The following ARHGEF7 variants were observed in gnomAD, a reference collection of about 807,000 sequenced individuals.
ARHGEF7 encodes the protein PAK-interacting exchange factor beta.
Under a neutral mutation model 109.8 loss-of-function variants are expected in ARHGEF7, and 33 were observed. The ratio of observed to expected loss-of-function variants is 0.30; its 90% CI spans 0.23 to 0.40. The LOEUF (loss-of-function observed/expected upper bound fraction) is 0.40, where lower values mean the gene tolerates loss of function less well. Ranked by LOEUF, ARHGEF7 falls within the 10% of genes least tolerant of loss-of-function variation. The probability of loss-of-function intolerance (pLI) is 1.00; values close to 1 mark genes in which losing one functional copy is unlikely to be tolerated. For synonymous variants in ARHGEF7, 458 were observed against 424.6 expected (o/e 1.08, Z -0.97); for missense variants, 938 against 1,098.5 (o/e 0.85, Z 2.07).
At position 111,145,528 on chromosome 13, in the gene ARHGEF7, T is replaced by C. The variant is rs1204277563; in HGVS notation, c.166-8377T>C. On this transcript the variant is annotated intron_variant, in intron 1 of 21. Transcript: ENST00000646102. This position sits in a 1 kb window ranked among gnomAD's most constrained non-coding sequence, Gnocchi z 4.3. ...CCATGGTCTTCCGCGAGTGGTGTGTTGGTAAATGTTAAACACCTGGCTGTC... is the reference window on the plus strand; with the variant it reads ...CCATGGTCTTCCGCGAGTGGTGTGTCGGTAAATGTTAAACACCTGGCTGTC... Among the ~76,000 whole-genome samples the C allele has an allele frequency of 2.0e-5, 3 of 152,158 alleles. No homozygotes were observed. The highest frequency in any genetic ancestry group is 4.4e-5 in the Non-Finnish European group (3 of 68,012).
intron 2 of ARHGEF7, among the ~76,000 whole-genome samples, chr13:111,194,283 C>T (rs2080246287): frequency 6.6e-6 from 1 of 152,152 alleles, no homozygotes; most frequent in Non-Finnish European, 1.5e-5. Context: ...GTACTAGGTT[C>T]TGCTTTTTAA....
intron 10 of ARHGEF7, 42 bp from the exon 11 acceptor site, chr13:111,274,689 T>C: frequency 7.8e-7 from 1 of 1,287,022 alleles, no homozygotes; most frequent in Non-Finnish European, 1.1e-6. Context: ...TAAGAAAAGC[T>C]TTTCCTTATG....
intron 18 of ARHGEF7, among the ~76,000 whole-genome samples, chr13:111,289,795 C>CTT (rs5806894): frequency 1.1e-3 from 172 of 151,342 alleles, no homozygotes; most frequent in Admixed American, 2.0e-3. Context: ...CCAGAAGCTT[C>CTT]TTTTTTTTTA....
rs2075556920 is a variant in ARHGEF7 at position 111,145,712 on chromosome 13, G to A, written c.166-8193G>A. ...CTCTAGGCCCCTGCTTCCTGCCAGG[G>A]CCTCCTATTGGCTCAACCCCACCAG... On this transcript the variant is annotated intron_variant, in intron 1 of 21. Transcript: ENST00000646102. The surrounding 1 kb of genome is among the most constrained non-coding windows in gnomAD (Gnocchi z 4.3). Among the ~76,000 whole-genome samples, 1 of 152,182 alleles carries A rather than the reference G, an allele frequency of 6.6e-6. No homozygotes were observed.
At chr13:111,221,514 GAT>G (rs1289067497) in intron 5 of ARHGEF7, among the ~76,000 whole-genome samples, 3 of 48,422 alleles carry the variant, frequency 6.2e-5, no homozygotes, top group African/African-American at 2.4e-4. Context: ...TATATATATA[GAT>G]ATATATCTAT....
chr13:111,161,879 A>G (rs1283385417), intron 2 of ARHGEF7, among the ~76,000 whole-genome samples: 2 of 152,198 alleles, frequency 1.3e-5, no homozygotes, highest in Non-Finnish European at 2.9e-5. Flanking sequence ...TTATTTTACT[A>G]CTGATTTTAA....
At chr13:111,169,709 T>G (rs2077425224) in intron 2 of ARHGEF7, among the ~76,000 whole-genome samples, 1 of 152,196 alleles carries the variant, frequency 6.6e-6, no homozygotes, top group Non-Finnish European at 1.5e-5. Flanking sequence ...TATTTTTAAC[T>G]TTGGAGTCAT....
At chr13:111,133,474 C>A (rs1328326773) in intron 1 of ARHGEF7, among the ~76,000 whole-genome samples, 1 of 151,842 alleles carries the variant, frequency 6.6e-6, no homozygotes, top group Non-Finnish European at 1.5e-5. Flanking sequence ...TGGTTTTCCT[C>A]CTTTTATAGT....
At chr13:111,267,420 G>C (rs2091750854) in intron 8 of ARHGEF7, 128 bp from the exon 9 acceptor site, 10 of 1,241,602 alleles carry the variant, frequency 8.1e-6, no homozygotes, top group Non-Finnish European at 1.0e-5. Flanking sequence ...CTGGGATCGG[G>C]GCCTCTGGTT....
At chr13:111,176,097 G>A (rs1219185081) in intron 2 of ARHGEF7, among the ~76,000 whole-genome samples, 1 of 152,166 alleles carries the variant, frequency 6.6e-6, no homozygotes, top group Non-Finnish European at 1.5e-5. Context: ...ATAAAGAGTT[G>A]GTTGGGGACA....
At chr13:111,193,967 G>A (rs998246176) in intron 2 of ARHGEF7, among the ~76,000 whole-genome samples, 3 of 152,148 alleles carry the variant, frequency 2.0e-5, no homozygotes, top group Non-Finnish European at 4.4e-5. Flanking sequence ...CTGAGTAGGC[G>A]GTTGTCTGAT....
intron 6 of ARHGEF7, among the ~76,000 whole-genome samples, chr13:111,243,575 C>T (rs993791516): frequency 2.6e-5 from 4 of 152,298 alleles, no homozygotes; most frequent in African/African-American, 7.2e-5. Context: ...TGATTCTTGG[C>T]GGCTTCTCCT....
At position 111,222,118 on chromosome 13, in the gene ARHGEF7, G is replaced by A. The variant is rs146294880; in HGVS notation, c.670+4238G>A. Among the ~76,000 whole-genome samples the A allele has an allele frequency of 2.3e-3, 348 of 152,220 alleles. 1 individual carries two copies. Among genetic ancestry groups the A allele is most frequent in the African/African-American group, 8.0e-3 (334 of 41,528 alleles). On this transcript the variant is annotated intron_variant, in intron 5 of 21. Transcript: ENST00000646102. ...CGGACTCAAATGTGAATCTCCTTTA[G>A]CAACACCCTCACAGACACACCCAGG...
At chr13:111,169,490 G>A (rs1443549464) in intron 2 of ARHGEF7, among the ~76,000 whole-genome samples, 3 of 152,082 alleles carry the variant, frequency 2.0e-5, no homozygotes, top group Non-Finnish European at 2.9e-5. Flanking sequence ...TATCTCACCA[G>A]CACACACTCA....
intron 3 of ARHGEF7, among the ~76,000 whole-genome samples, chr13:111,205,857 G>A (rs1200429388): frequency 6.6e-6 from 1 of 152,062 alleles, no homozygotes; most frequent in Non-Finnish European, 1.5e-5. Flanking sequence ...TGGTGTGTGT[G>A]GTCCTAGCCC....
At chr13:111,143,141 G>C (rs531210264) in intron 1 of ARHGEF7, among the ~76,000 whole-genome samples, 1 of 152,274 alleles carries the variant, frequency 6.6e-6, no homozygotes, top group East Asian at 1.9e-4. Flanking sequence ...GTAGCACTCG[G>C]GACTGCAGGG....
In ARHGEF7 at chr13:111,145,045, A is replaced by T. The variant is rs9522141; in HGVS notation, c.166-8860A>T. ...CATTTTCTTCTTGCTTTTTTTTTTT[A>T]AAAACACAAAAGGTAGATATTATCC... is the stretch of plus-strand genomic sequence containing the variant. On this transcript the variant is annotated intron_variant, in intron 1 of 21. Transcript: ENST00000646102. This position sits in a 1 kb window ranked among gnomAD's most constrained non-coding sequence, Gnocchi z 4.3. Among the ~76,000 whole-genome samples, 28 of 123,114 alleles carry T rather than the reference A, an allele frequency of 2.3e-4. No homozygotes were observed. The highest frequency in any genetic ancestry group is 7.7e-4 in the South Asian group (3 of 3,914). 80.8% of individuals were successfully genotyped at this position (123,114 alleles called of 152,430 possible).
intron 8 of ARHGEF7, among the ~76,000 whole-genome samples, chr13:111,265,962 G>C (rs967208652): frequency 1.3e-5 from 2 of 152,352 alleles, no homozygotes; most frequent in East Asian, 3.9e-4. Context: ...TGTGCTTATC[G>C]GTGGGGACAG....
intron 21 of ARHGEF7, among the ~76,000 whole-genome samples, chr13:111,302,560 A>C (rs754306356): frequency 2.0e-5 from 3 of 152,232 alleles, no homozygotes; most frequent in Non-Finnish European, 4.4e-5. Context: ...CGTCCGAGAC[A>C]TGCCTGGGTT....
Sources: allele counts gnomAD v4.1 joint callset (sites outside exome capture counted in the v4.1 genomes callset), GRCh38; gene constraint gnomAD v4.1.1; non-coding constraint Gnocchi (gnomAD v3.1); transcripts MANE v1.5; gene names NCBI Gene and HGNC (gene_info 2026-07-23, HGNC 2026-07-21).